PTPRK: variants seen among roughly 807,000 people sequenced by gnomAD.
The protein encoded by PTPRK is receptor-type tyrosine-protein phosphatase kappa.
Under a neutral mutation model 178.0 loss-of-function variants are expected in PTPRK, and 75 were observed. The ratio of observed to expected loss-of-function variants is 0.42; its 90% CI spans 0.35 to 0.51. The LOEUF is 0.51. Ranked by LOEUF, PTPRK falls within the 20% of genes least tolerant of loss-of-function variation. The pLI is 0.02. For synonymous variants in PTPRK, 637 were observed against 620.6 expected (o/e 1.03, Z -0.39); for missense variants, 1,441 against 1,797.8 (o/e 0.80, Z 3.59).
At chr6:128,275,637 T>C (rs1437386294) in intron 3 of PTPRK, among the ~76,000 whole-genome samples, 2 of 152,054 alleles carry the variant, frequency 1.3e-5, no homozygotes, top group Non-Finnish European at 2.9e-5. Context: ...TTTGGGAATA[T>C]ACATTAGACT....
intron 3 of PTPRK, among the ~76,000 whole-genome samples, chr6:128,276,556 A>G (rs1476203866): frequency 6.6e-6 from 1 of 152,136 alleles, no homozygotes; most frequent in Non-Finnish European, 1.5e-5. Context: ...TATATTTCTT[A>G]TTAGAGAGCC....
At chr6:128,290,325 C>G (rs777934082) in intron 3 of PTPRK, among the ~76,000 whole-genome samples, 2 of 152,106 alleles carry the variant, frequency 1.3e-5, no homozygotes, top group Middle Eastern at 3.2e-3. Flanking sequence ...AAAAAACCCA[C>G]AAAGATATGC....
chr6:128,326,378 C>T lies in PTPRK; in HGVS notation c.224-4068G>A, dbSNP rs763651398. 9.9e-5 allele frequency among the ~76,000 whole-genome samples: 15 copies of T among 152,168 alleles called. No homozygotes were observed. In the Middle Eastern group the frequency reaches 0.01, roughly 104 times the overall value. ...TACAAATGTATACTAAATAAACCAT[C>T]AGGTATGTATAAAAGATACAGCTTT... On this transcript the variant is annotated intron_variant, in intron 2 of 29. Transcript: ENST00000368226.
chr6:128,394,822 C>G (rs987092991), intron 2 of PTPRK, among the ~76,000 whole-genome samples: 1 of 152,104 alleles, frequency 6.6e-6, no homozygotes, highest in Admixed American at 6.5e-5. Flanking sequence ...TATCTATCTT[C>G]AGTCTTCTTT....
chr6:128,219,102 A>G lies in PTPRK; in HGVS notation c.694-6T>C. The G allele has an allele frequency of 6.2e-7, 1 of 1,603,204 alleles. No homozygotes were observed. The stretch of plus-strand genomic sequence containing the variant: ...ATATCTTCTCCATTTCGTCTCTGCA[A>G]ACAGAAACCAATCTTTAAAAACAGG... On this transcript the variant is annotated splice_polypyrimidine_tract_variant and splice_region_variant and intron_variant, in intron 5 of 29. Coordinates refer to ENST00000368226, the MANE Select transcript of PTPRK (RefSeq NM_002844.4).
At chr6:128,518,814 T>C in intron 1 of PTPRK, 1 of 350,012 alleles carries the variant, frequency 2.9e-6, no homozygotes, top group Non-Finnish European at 5.6e-6. Flanking sequence ...TTTCATAATC[T>C]CTGCCTGAAT....
intron 2 of PTPRK, among the ~76,000 whole-genome samples, chr6:128,385,789 T>C (rs1838624993): frequency 6.6e-6 from 1 of 152,284 alleles, no homozygotes; most frequent in South Asian, 2.1e-4. Flanking sequence ...ATCAGGTACA[T>C]CTAACTGTTA....
At chr6:128,425,359 G>A (rs940960916) in intron 1 of PTPRK, among the ~76,000 whole-genome samples, 4 of 152,120 alleles carry the variant, frequency 2.6e-5, no homozygotes, top group Admixed American at 6.5e-5. Flanking sequence ...TTACAGGGGT[G>A]AGCCGGTGTG....
chr6:128,441,338 G>A (rs1219733896), intron 1 of PTPRK, among the ~76,000 whole-genome samples: 1 of 152,046 alleles, frequency 6.6e-6, no homozygotes, highest in Admixed American at 6.6e-5. Context: ...AAAACATGAA[G>A]TGAAATGGAA....
At chr6:128,327,768 G>A (rs1317556707) in intron 2 of PTPRK, among the ~76,000 whole-genome samples, 1 of 152,168 alleles carries the variant, frequency 6.6e-6, no homozygotes, top group Non-Finnish European at 1.5e-5. Flanking sequence ...CCTATAAGAA[G>A]ATAGAAACTT....
At chr6:127,979,709 A>C (rs1775049718) in intron 25 of PTPRK, among the ~76,000 whole-genome samples, 1 of 152,210 alleles carries the variant, frequency 6.6e-6, no homozygotes, top group African/African-American at 2.4e-5. Flanking sequence ...TAGAAACAGA[A>C]TGTGGGCTTA....
intron 2 of PTPRK, among the ~76,000 whole-genome samples, chr6:128,345,510 A>G (rs751135990): frequency 1.3e-5 from 2 of 152,240 alleles, no homozygotes; most frequent in Non-Finnish European, 2.9e-5. Flanking sequence ...CTAGCATTGT[A>G]CTAAAGACGG....
intron 1 of PTPRK, among the ~76,000 whole-genome samples, chr6:128,434,649 C>A (rs553824546): frequency 6.6e-6 from 1 of 152,200 alleles, no homozygotes; most frequent in African/African-American, 2.4e-5. Flanking sequence ...TTAAAAAAAA[C>A]TAAGCATCAA....
At chr6:128,099,347 C>T (rs976742466) in intron 7 of PTPRK, among the ~76,000 whole-genome samples, 4 of 151,904 alleles carry the variant, frequency 2.6e-5, no homozygotes, top group Non-Finnish European at 5.9e-5. Context: ...ATGAAGTATA[C>T]TAGTTAATAA....
chr6:128,219,104 C>A lies in PTPRK; in HGVS notation c.694-8G>T, dbSNP rs773490822. 18 of 1,602,666 alleles carry A rather than the reference C, an allele frequency of 1.1e-5. No homozygotes were observed. Among genetic ancestry groups the A allele is most frequent in the Non-Finnish European group, 1.5e-5 (18 of 1,172,482 alleles). ...ATCTTCTCCATTTCGTCTCTGCAAA[C>A]AGAAACCAATCTTTAAAAACAGGTT... is the stretch of plus-strand genomic sequence containing the variant. On this transcript the variant is annotated splice_polypyrimidine_tract_variant and splice_region_variant and intron_variant, in intron 5 of 29. Transcript: ENST00000368226.
intron 2 of PTPRK, among the ~76,000 whole-genome samples, chr6:128,386,991 C>A (rs753458975): frequency 2.6e-5 from 4 of 152,102 alleles, no homozygotes; most frequent in African/African-American, 4.8e-5. Flanking sequence ...TCGGTTGAAC[C>A]CAGGAGGCGA....
At chr6:128,324,954 T>C (rs1267874883) in intron 2 of PTPRK, among the ~76,000 whole-genome samples, 2 of 152,208 alleles carry the variant, frequency 1.3e-5, no homozygotes, top group African/African-American at 4.8e-5. Context: ...TTATACAATA[T>C]GTACTTCTCT....
chr6:127,980,349 G>A (rs1775165716), intron 25 of PTPRK, among the ~76,000 whole-genome samples: 2 of 151,906 alleles, frequency 1.3e-5, no homozygotes, highest in African/African-American at 2.4e-5. Context: ...AATAAGCGGG[G>A]TGTGGTAGAG....
At position 128,264,629 on chromosome 6, in the gene PTPRK, C is replaced by T. The variant is rs1379731688; in HGVS notation, c.496-22027G>A. On this transcript the variant is annotated intron_variant, in intron 3 of 29. Transcript: ENST00000368226. ...CCACTTCAGTGAATAACTGGGACTA[C>T]AGGCATGCACCACCATACCTGGCTC... 3.3e-5 allele frequency among the ~76,000 whole-genome samples: 5 copies of T among 152,074 alleles called. No homozygotes were observed. The South Asian group carries it at 1.0e-3, about 31-fold the overall frequency.
Sources: allele counts gnomAD v4.1 joint callset (sites outside exome capture counted in the v4.1 genomes callset), GRCh38; gene constraint gnomAD v4.1.1; transcripts MANE v1.5; gene names NCBI Gene and HGNC (gene_info 2026-07-23, HGNC 2026-07-21).